The following GALNT13 variants were observed in gnomAD, a reference collection of about 807,000 sequenced individuals.
GALNT13 encodes polypeptide N-acetylgalactosaminyltransferase 13.
In GALNT13, 28 loss-of-function variants were observed where a neutral mutation model predicts 64.2. The ratio of observed to expected loss-of-function variants is 0.44; its 90% CI spans 0.32 to 0.60. The LOEUF (loss-of-function observed/expected upper bound fraction) is 0.60, where lower values mean the gene tolerates loss of function less well. Among genes scored for constraint, GALNT13 ranks in the 20% least tolerant of loss-of-function variants. The pLI is 0.05. For missense variants in GALNT13, 577 were observed against 669.8 expected, an observed-to-expected ratio of 0.86 and a Z score of 1.53; for synonymous variants, 214 against 224.6, an observed-to-expected ratio of 0.95 and a Z score of 0.42.
chr2:154,043,455 T>TATATATATATATATACATACAC (rs1341373277), intron 3 of GALNT13, among the ~76,000 whole-genome samples: 5 of 105,004 alleles, frequency 4.8e-5, no homozygotes, highest in Admixed American at 9.9e-5. Flanking sequence ...TATATATATA[T>TATATATATATATATACATACAC]ACACACATGT....
At chr2:153,470,887 TG>T in the GALNT13 span, among the ~76,000 whole-genome samples, 2 of 152,100 alleles carry the variant, frequency 1.3e-5, no homozygotes, top group Non-Finnish European at 1.5e-5. Context: ...AAATTCACAG[TG>T]GGGGAAATGA....
intron 9 of GALNT13, among the ~76,000 whole-genome samples, chr2:154,370,549 G>A (rs1697625524): frequency 6.6e-6 from 1 of 152,046 alleles, no homozygotes; most frequent in Non-Finnish European, 1.5e-5. Flanking sequence ...TGAAATAGAA[G>A]CACAAAGTCT....
intron 4 of GALNT13, among the ~76,000 whole-genome samples, chr2:154,203,958 T>C (rs1323535346): frequency 6.6e-6 from 1 of 152,198 alleles, no homozygotes; most frequent in Non-Finnish European, 1.5e-5. Context: ...TTAAATAAGA[T>C]GCAAAATCTT....
At chr2:154,199,952 AGCAAGAATTCCAGAGATATGCACAGTT>A (rs1007965123) in intron 4 of GALNT13, among the ~76,000 whole-genome samples, 20 of 152,148 alleles carry the variant, frequency 1.3e-4, no homozygotes, top group Middle Eastern at 3.4e-3. Context: ...ATAATTACCG[AGCAAGAATTCCAGAGATATGCACAGTT>A]GCATGTTCCA....
the GALNT13 span, among the ~76,000 whole-genome samples, chr2:153,475,120 G>C: frequency 2.0e-5 from 3 of 152,200 alleles, no homozygotes; most frequent in Non-Finnish European, 4.4e-5. Flanking sequence ...CCAGAAAGTG[G>C]TTGCTCTGTG....
At chr2:153,466,007 T>C in the GALNT13 span, among the ~76,000 whole-genome samples, 1 of 152,006 alleles carries the variant, frequency 6.6e-6, no homozygotes, top group African/African-American at 2.4e-5. Context: ...CCGGTGCCCG[T>C]TCTTTCTTGT....
intron 3 of GALNT13, among the ~76,000 whole-genome samples, chr2:153,989,942 A>G (rs577335341): frequency 6.6e-6 from 1 of 152,232 alleles, no homozygotes; most frequent in Non-Finnish European, 1.5e-5. Context: ...CTTCAGAGAT[A>G]AAACAAAACA....
At chr2:154,070,875 G>A (rs375706216) in intron 3 of GALNT13, among the ~76,000 whole-genome samples, 14 of 151,230 alleles carry the variant, frequency 9.3e-5, no homozygotes, top group African/African-American at 2.9e-4. Context: ...AGATTGCACC[G>A]CTGAGCTCCA....
chr2:153,735,022 A>C, the GALNT13 span, among the ~76,000 whole-genome samples: 2 of 152,140 alleles, frequency 1.3e-5, no homozygotes, highest in Admixed American at 1.3e-4. Flanking sequence ...CCTGGCTGCC[A>C]GACAAAGTGA....
chr2:153,510,432 C>G, the GALNT13 span, among the ~76,000 whole-genome samples: 1 of 152,040 alleles, frequency 6.6e-6, no homozygotes, highest in Non-Finnish European at 1.5e-5. Context: ...AGACAGAGAC[C>G]CTGCCCTTAA....
At position 153,905,234 on chromosome 2, in the gene GALNT13, G is replaced by A. The variant is rs567233915; in HGVS notation, c.-105+4227G>A. On this transcript the variant is annotated intron_variant, in intron 2 of 12. Coordinates refer to ENST00000392825, the MANE Select transcript of GALNT13 (RefSeq NM_052917.4). The stretch of plus-strand genomic sequence containing the variant: ...TGTTAAGTAAATTTTTAAAGAGCTG[G>A]TGTAATTACAATATTAACTGATTTC... Among the ~76,000 whole-genome samples the A allele has an allele frequency of 9.2e-5, 14 of 151,950 alleles. No homozygotes were observed. In the South Asian group the frequency reaches 1.9e-3, roughly 20 times the overall value.
chr2:154,229,537 C>A (rs367904537), intron 4 of GALNT13, among the ~76,000 whole-genome samples: 4 of 151,912 alleles, frequency 2.6e-5, no homozygotes, highest in African/African-American at 9.7e-5. Flanking sequence ...TTTAATTGCC[C>A]AATATCCTAT....
the GALNT13 span, among the ~76,000 whole-genome samples, chr2:153,161,239 G>A: frequency 6.6e-6 from 1 of 152,142 alleles, no homozygotes. Flanking sequence ...GTTGCACAGT[G>A]AAAGAACTGA....
the GALNT13 span, among the ~76,000 whole-genome samples, chr2:153,672,604 A>G: frequency 6.6e-6 from 1 of 152,224 alleles, no homozygotes; most frequent in African/African-American, 2.4e-5. Context: ...AAAGCAGGAA[A>G]GATCTAAAAT....
At chr2:153,273,479 A>G in the GALNT13 span, among the ~76,000 whole-genome samples, 1 of 152,284 alleles carries the variant, frequency 6.6e-6, no homozygotes, top group Admixed American at 6.5e-5. Context: ...TTATAACTTG[A>G]CAAGATTACA....
chr2:153,583,620 AT>A, the GALNT13 span, among the ~76,000 whole-genome samples: 1 of 152,122 alleles, frequency 6.6e-6, no homozygotes, highest in Non-Finnish European at 1.5e-5. Flanking sequence ...GGGATAGCAT[AT>A]TCACCCTCCC....
chr2:153,216,906 T>G, the GALNT13 span, among the ~76,000 whole-genome samples: 1 of 152,002 alleles, frequency 6.6e-6, no homozygotes, highest in East Asian at 1.9e-4. Flanking sequence ...TTCCTTAAAT[T>G]TTCTTATAGA....
chr2:154,225,503 C>T (rs1688568588), intron 4 of GALNT13, among the ~76,000 whole-genome samples: 1 of 151,922 alleles, frequency 6.6e-6, no homozygotes, highest in Admixed American at 6.6e-5. Context: ...TAGGAATTTA[C>T]CCTCAAGATA....
chr2:153,483,870 A>C, the GALNT13 span, among the ~76,000 whole-genome samples: 1 of 152,204 alleles, frequency 6.6e-6, no homozygotes, highest in African/African-American at 2.4e-5. Flanking sequence ...CATGATAGTT[A>C]CTAGGGATTG....
Sources: allele counts gnomAD v4.1 joint callset (sites outside exome capture counted in the v4.1 genomes callset), GRCh38; gene constraint gnomAD v4.1.1; transcripts MANE v1.5; gene names NCBI Gene and HGNC (gene_info 2026-07-23, HGNC 2026-07-21).